Variants in LNX1 observed in about 807,000 individuals in gnomAD.
The protein encoded by LNX1 is ligand of numb-protein X 1.
LNX1 carries 54 observed loss-of-function variants against 68.4 expected under a neutral mutation model. The observed-to-expected ratio is 0.79, with a 90% CI of 0.63 to 0.99. LNX1 has a LOEUF of 0.99. LNX1 is among the 50% of genes least tolerant of loss of function. The probability of loss-of-function intolerance (pLI) is 0.00; values close to 1 mark genes in which losing one functional copy is unlikely to be tolerated. For synonymous variants in LNX1, 336 were observed against 350.0 expected, an observed-to-expected ratio of 0.96 and a Z score of 0.45; for missense variants, 906 against 926.4, an observed-to-expected ratio of 0.98 and a Z score of 0.29.
rs574100349 is a variant in LNX1, at chr4:53,474,767, ACTT to A, written c.1892+1983_1892+1985del. Reference sequence around the variant, plus strand: ...AGGAAATGAGCAAAGTGCAGACTCTACTTCTTCTTTTTTTTTTGAGACAGAGTC... The same window carrying A: ...AGGAAATGAGCAAAGTGCAGACTCTACTTCTTTTTTTTTTGAGACAGAGTC... On this transcript the variant is annotated intron_variant, in intron 9 of 10. Coordinates refer to ENST00000263925, the MANE Select transcript of LNX1 (RefSeq NM_001126328.3). Among the ~76,000 whole-genome samples the A allele has an allele frequency of 3.0e-4, 22 of 73,368 alleles. No homozygotes were observed. In the South Asian group the frequency reaches 8.3e-3, roughly 28 times the overall value. 48.1% of individuals were successfully genotyped at this position (73,368 alleles called of 152,430 possible).
rs774626938 is a variant in LNX1 at position 53,478,629 on chromosome 4, C to A, written c.1599G>T (p.Leu533Phe). 1 of 1,614,074 alleles carries A rather than the reference C, an allele frequency of 6.2e-7. No homozygotes were observed. The highest frequency in any genetic ancestry group is 8.5e-7 in the Non-Finnish European group (1 of 1,179,976). Residue 533 changes from leucine (L) to phenylalanine (F), a missense_variant, in exon 8 of 11, where the codon TTG (leucine) becomes TTT (phenylalanine). By Grantham distance (22) the Leu-to-Phe change is conservative. Transcript: ENST00000263925. ...AGGASHREWD[L>F]PIYVISVEPG... ...GCTCAACACTGATGACATAGATAGG[C>A]AAATCCCATTCTCTATGTGATGCTC...
In LNX1 at chr4:53,460,624, A is replaced by AAATCAATC. The variant is rs35852395; in HGVS notation, c.*282_*283insGATTGATT. 6.2e-5 allele frequency: 20 copies of AAATCAATC among 322,720 alleles called. No homozygotes were observed. The Admixed American group carries it at 1.0e-3, about 17-fold the overall frequency. 20.0% of individuals were successfully genotyped at this position (322,720 alleles called of 1,614,324 possible). On this transcript the variant is annotated 3_prime_UTR_variant, in exon 11 of 11. Coordinates refer to ENST00000263925, the MANE Select transcript of LNX1 (RefSeq NM_001126328.3). ...TCAGCTTGAATTCAGTGGGGTATAC[A>AAATCAATC]AATCATTTTAGTTGTTTTAGGGCTT...
intron 2 of LNX1, among the ~76,000 whole-genome samples, chr4:53,534,841 T>G (rs1728258236): frequency 6.6e-6 from 1 of 152,248 alleles, no homozygotes; most frequent in East Asian, 1.9e-4. Context: ...CAGACTGCTA[T>G]GTCTGGGGAC....
chr4:53,647,271 T>C (rs1389416903), intron 1 of LNX1, among the ~76,000 whole-genome samples: 1 of 152,220 alleles, frequency 6.6e-6, no homozygotes, highest in Non-Finnish European at 1.5e-5. Context: ...GTTTTAGTAA[T>C]GTGCATACAC....
intron 1 of LNX1, among the ~76,000 whole-genome samples, chr4:53,634,499 C>T (rs1481323635): frequency 6.6e-6 from 1 of 152,182 alleles, no homozygotes; most frequent in Non-Finnish European, 1.5e-5. Context: ...CCACCTCAGC[C>T]TCCCAAAGTG....
intron 4 of LNX1, among the ~76,000 whole-genome samples, chr4:53,502,245 C>T (rs1008377867): frequency 6.6e-6 from 1 of 152,098 alleles, no homozygotes; most frequent in African/African-American, 2.4e-5. Context: ...TACACTGTCC[C>T]CTATGGCTGC....
At chr4:53,556,506 A>G (rs1178615007) in intron 2 of LNX1, among the ~76,000 whole-genome samples, 4 of 152,174 alleles carry the variant, frequency 2.6e-5, no homozygotes, top group Non-Finnish European at 1.5e-5. Context: ...AGGGAAGAAT[A>G]TCATGGCACT....
chr4:53,561,072 G>T (rs991311040), intron 2 of LNX1, among the ~76,000 whole-genome samples: 1 of 152,052 alleles, frequency 6.6e-6, no homozygotes, highest in African/African-American at 2.4e-5. Context: ...ACTAAACAAG[G>T]TTTATTTAGG....
chr4:53,486,994 G>A (rs1443811849), intron 6 of LNX1, among the ~76,000 whole-genome samples: 3 of 152,118 alleles, frequency 2.0e-5, no homozygotes, highest in Admixed American at 1.3e-4. Flanking sequence ...GTCTGGGAGC[G>A]TTGCACTGTG....
intron 4 of LNX1, among the ~76,000 whole-genome samples, chr4:53,506,427 A>AT (rs1491218722): frequency 3.3e-5 from 4 of 122,640 alleles, no homozygotes; most frequent in Non-Finnish European, 7.5e-5. Flanking sequence ...TGGGGAAAAC[A>AT]TATGGGATCT....
intron 1 of LNX1, among the ~76,000 whole-genome samples, chr4:53,586,388 T>C (rs540041794): frequency 6.6e-6 from 1 of 152,360 alleles, no homozygotes; most frequent in South Asian, 2.1e-4. Flanking sequence ...CTCCCCATCA[T>C]GCATGTGCTA....
In LNX1 at chr4:53,459,946, G is replaced by C; in HGVS notation, c.*961C>G. 4.6e-6 allele frequency: 1 copy of C among 216,654 alleles called. No homozygotes were observed. 13.4% of individuals were successfully genotyped at this position (216,654 alleles called of 1,614,324 possible). On this transcript the variant is annotated 3_prime_UTR_variant, in exon 11 of 11. Coordinates refer to ENST00000263925, the MANE Select transcript of LNX1 (RefSeq NM_001126328.3). ...TACATTTTTGATATCACAACTTTTT[G>C]ATGGCTTTTCAATATTCTAAATTTG... is the stretch of plus-strand genomic sequence containing the variant.
chr4:53,623,224 G>A (rs1231004202), intron 1 of LNX1, among the ~76,000 whole-genome samples: 1 of 131,124 alleles, frequency 7.6e-6, no homozygotes, highest in Admixed American at 7.8e-5. Flanking sequence ...TTTTTTTTAG[G>A]ATGGAGTCTC....
At chr4:53,496,806 G>C (rs1725099382) in intron 5 of LNX1, among the ~76,000 whole-genome samples, 1 of 152,176 alleles carries the variant, frequency 6.6e-6, no homozygotes. Context: ...AAGCCGAGTT[G>C]ACATTTTCTT....
chr4:53,637,619 A>G (rs1034001582), intron 1 of LNX1, among the ~76,000 whole-genome samples: 25 of 152,186 alleles, frequency 1.6e-4, no homozygotes, highest in African/African-American at 5.8e-4. Context: ...ATCACTTCTA[A>G]GATGCCAAAG....
chr4:53,546,300 G>A (rs1458812610), intron 2 of LNX1, among the ~76,000 whole-genome samples: 2 of 152,174 alleles, frequency 1.3e-5, no homozygotes, highest in East Asian at 1.9e-4. Context: ...AAAATTGGTC[G>A]AGGAAATCCC....
At chr4:53,491,792 C>CT (rs149789223) in intron 6 of LNX1, among the ~76,000 whole-genome samples, 4,275 of 61,920 alleles carry the variant, frequency 0.069, 399 homozygotes, top group African/African-American at 0.14. Context: ...GGATACGATA[C>CT]TTTTTTTTGT....
At chr4:53,463,901 G>T (rs1236457927) in intron 9 of LNX1, among the ~76,000 whole-genome samples, 1 of 152,026 alleles carries the variant, frequency 6.6e-6, no homozygotes, top group Non-Finnish European at 1.5e-5. Flanking sequence ...AACTAAGTCT[G>T]CAGACTACAA....
chr4:53,463,487 T>C (rs776480989), intron 9 of LNX1, among the ~76,000 whole-genome samples: 4 of 152,046 alleles, frequency 2.6e-5, no homozygotes, highest in Non-Finnish European at 4.4e-5. Context: ...TTTGTGGGCA[T>C]TTTTTTCTTA....
Sources: allele counts gnomAD v4.1 joint callset (sites outside exome capture counted in the v4.1 genomes callset), GRCh38; gene constraint gnomAD v4.1.1; transcripts MANE v1.5; gene names NCBI Gene and HGNC (gene_info 2026-07-23, HGNC 2026-07-21).